Variants in TMEM260 observed in about 807,000 individuals in gnomAD.
TMEM260 encodes protein O-mannosyl-transferase TMEM260.
Under a neutral mutation model 88.9 loss-of-function variants are expected in TMEM260, and 82 were observed. That is an observed-to-expected ratio of 0.92 (90% CI 0.77 to 1.11). The LOEUF (loss-of-function observed/expected upper bound fraction) is 1.11. Among genes scored for constraint, TMEM260 ranks in the 50% least tolerant of loss-of-function variants. TMEM260 has a pLI of 0.00. For missense variants in TMEM260, 902 were observed against 853.4 expected (o/e 1.06, Z -0.71); for synonymous variants, 314 against 309.3 (o/e 1.02, Z -0.16).
chr14:56,621,724 T>A (rs1351771052), intron 11 of TMEM260, 22 bp downstream of exon 11: 4 of 1,582,538 alleles, frequency 2.5e-6, no homozygotes, highest in Non-Finnish European at 3.4e-6. Context: ...AAAAATATAC[T>A]TAGAATATAG....
At chr14:56,655,742 C>T in the TMEM260 span, among the ~76,000 whole-genome samples, 9 of 152,238 alleles carry the variant, frequency 5.9e-5, no homozygotes, top group East Asian at 9.7e-4. Context: ...TCATGTGAAA[C>T]GTGACCTGCT....
At chr14:56,653,415 A>C (rs1297454093), downstream of TMEM260, among the ~76,000 whole-genome samples, 2 of 151,656 alleles carry the variant, frequency 1.3e-5, no homozygotes, top group Non-Finnish European at 2.9e-5. Context: ...TAAAAAAATA[A>C]ATTTGAAAGT....
At chr14:56,654,228 C>T (rs535694287), downstream of TMEM260, among the ~76,000 whole-genome samples, 1 of 152,074 alleles carries the variant, frequency 6.6e-6, no homozygotes, top group South Asian at 2.1e-4. Context: ...GAATATATAC[C>T]CAAATTAAAA....
intron 10 of TMEM260, among the ~76,000 whole-genome samples, chr14:56,620,241 G>A (rs911594921): frequency 2.6e-5 from 4 of 152,124 alleles, no homozygotes; most frequent in African/African-American, 7.2e-5. Flanking sequence ...ACCCTGTGAC[G>A]TGAATTTACC....
chr14:56,610,753 A>T (rs2139571201), intron 6 of TMEM260, among the ~76,000 whole-genome samples: 1 of 152,284 alleles, frequency 6.6e-6, no homozygotes, highest in South Asian at 2.1e-4. Context: ...TCTGAAGACC[A>T]TTCTAGATTT....
At chr14:56,608,623 T>C (rs1398571284) in intron 5 of TMEM260, among the ~76,000 whole-genome samples, 1 of 152,200 alleles carries the variant, frequency 6.6e-6, no homozygotes, top group Non-Finnish European at 1.5e-5. Context: ...TTCTGTGAAA[T>C]GTTCAAAACG....
At position 56,625,372 on chromosome 14, in the gene TMEM260, T is replaced by C. The variant is rs1487107041; in HGVS notation, c.1399-10T>C. 14 of 1,610,146 alleles carry C rather than the reference T, an allele frequency of 8.7e-6. No homozygotes were observed. The highest frequency in any genetic ancestry group is 1.2e-5 in the Non-Finnish European group (14 of 1,179,100). On this transcript the variant is annotated splice_polypyrimidine_tract_variant and intron_variant, in intron 11 of 15. Transcript: ENST00000261556. ...TAAAAGTCTGACATTATGTGTGACT[T>C]TTCTGGCAGATGATGACTTACGAGT...
At chr14:56,627,679 A>G (rs1211636563) in intron 12 of TMEM260, among the ~76,000 whole-genome samples, 2 of 152,234 alleles carry the variant, frequency 1.3e-5, no homozygotes, top group Non-Finnish European at 2.9e-5. Context: ...GGGATGGACC[A>G]TCATCATATG....
chr14:56,632,672 A>T (rs980100595), intron 12 of TMEM260, among the ~76,000 whole-genome samples: 1 of 151,042 alleles, frequency 6.6e-6, no homozygotes, highest in African/African-American at 2.4e-5. Context: ...CTGGTCTCAA[A>T]CCCCTGGCCT....
At chr14:56,623,939 T>C (rs887330744) in intron 11 of TMEM260, among the ~76,000 whole-genome samples, 1 of 152,156 alleles carries the variant, frequency 6.6e-6, no homozygotes, top group Admixed American at 6.5e-5. Flanking sequence ...AAAGAGGGAA[T>C]GAATACATAT....
At chr14:56,634,977 T>TGCA in intron 14 of TMEM260, 25 bp downstream of exon 14, 4 of 1,608,166 alleles carry the variant, frequency 2.5e-6, no homozygotes, top group Non-Finnish European at 3.4e-6. Flanking sequence ...TTTTTGTGTG[T>TGCA]GCAGTCTATT....
intron 6 of TMEM260, among the ~76,000 whole-genome samples, chr14:56,611,119 A>G (rs1414085088): frequency 6.6e-6 from 1 of 151,864 alleles, no homozygotes; most frequent in African/African-American, 2.4e-5. Flanking sequence ...GACATGCACC[A>G]CCATGCCCGG....
the TMEM260 span, among the ~76,000 whole-genome samples, chr14:56,661,360 C>T: frequency 6.6e-6 from 1 of 152,148 alleles, no homozygotes; most frequent in African/African-American, 2.4e-5. Context: ...GGTAGGGAAC[C>T]AGGAATGCCC....
intron 3 of TMEM260, among the ~76,000 whole-genome samples, chr14:56,599,382 C>A (rs757559359): frequency 1.3e-5 from 2 of 152,088 alleles, no homozygotes; most frequent in African/African-American, 2.4e-5. Flanking sequence ...TGTGTACTGA[C>A]GCTCCTGCTC....
intron 3 of TMEM260, among the ~76,000 whole-genome samples, chr14:56,595,168 C>A (rs1886126785): frequency 6.6e-6 from 1 of 152,172 alleles, no homozygotes. Flanking sequence ...TCTCAGTAAT[C>A]TCTCTTAGCA....
intron 12 of TMEM260, among the ~76,000 whole-genome samples, chr14:56,626,389 G>A (rs896062103): frequency 1.7e-4 from 26 of 152,104 alleles, no homozygotes; most frequent in African/African-American, 5.1e-4. Context: ...GCATTTTTGT[G>A]AATTTTCGAG....
Position 56,579,834 on chromosome 14 carries a change from C to G in TMEM260, c.-81C>G, listed in dbSNP as rs1237262240. 1.7e-6 allele frequency: 2 copies of G among 1,197,974 alleles called. No individual in the cohort carries two copies. Among genetic ancestry groups the G allele is most frequent in the South Asian group, 4.2e-5 (1 of 23,582 alleles). 74.2% of individuals were successfully genotyped at this position (1,197,974 alleles called of 1,614,324 possible). A position where few individuals can be genotyped will look rare whatever the true frequency, so the allele number is the denominator to read the frequency against. ...CGCCGTGGCCGCCGCACAAGCTGCGCTCGTCTCTCGGCTGGGGAGCTCCGT... is the reference window on the plus strand; with the variant it reads ...CGCCGTGGCCGCCGCACAAGCTGCGGTCGTCTCTCGGCTGGGGAGCTCCGT... On this transcript the variant is annotated 5_prime_UTR_variant, in exon 1 of 16. Transcript: ENST00000261556.
chr14:56,655,444 A>T (rs537530739), downstream of TMEM260, among the ~76,000 whole-genome samples: 1 of 151,872 alleles, frequency 6.6e-6, no homozygotes, highest in East Asian at 1.9e-4. Context: ...TAAGTTTGGC[A>T]CCCCTCAAGA....
At chr14:56,640,465 GA>G (rs1438287172) in intron 15 of TMEM260, among the ~76,000 whole-genome samples, 1 of 152,162 alleles carries the variant, frequency 6.6e-6, no homozygotes, top group Non-Finnish European at 1.5e-5. Flanking sequence ...CTAACAAACA[GA>G]AAGGACATCC....
Sources: gnomAD v4.1 joint callset for allele counts (sites outside exome capture counted in the v4.1 genomes callset) on GRCh38, gnomAD v4.1.1 for gene constraint, MANE v1.5 for transcripts, NCBI Gene and HGNC (gene_info 2026-07-23, HGNC 2026-07-21) for gene names.